Variants in CASQ2 observed in about 807,000 individuals in gnomAD.
CASQ2 encodes calsequestrin-2.
CASQ2 carries 49 observed loss-of-function variants against 46.5 expected under a neutral mutation model. That is an observed-to-expected ratio of 1.05 (90% CI 0.84 to 1.34). The LOEUF is 1.34. Among genes scored for constraint, CASQ2 ranks in the 40% most tolerant of loss-of-function variants. CASQ2 has a pLI of 0.00. For synonymous variants in CASQ2, 174 were observed against 168.5 expected, an observed-to-expected ratio of 1.03 and a Z score of -0.25; for missense variants, 486 against 481.3, an observed-to-expected ratio of 1.01 and a Z score of -0.09.
chr1:115,754,167 A>G (rs1156806838), intron 1 of CASQ2, among the ~76,000 whole-genome samples: 2 of 152,146 alleles, frequency 1.3e-5, no homozygotes, highest in Non-Finnish European at 2.9e-5. Context: ...GGCCTGAGCT[A>G]TGTATAGCTG....
chr1:115,739,390 C>T (rs1431628825), intron 3 of CASQ2, among the ~76,000 whole-genome samples: 8 of 152,162 alleles, frequency 5.3e-5, no homozygotes, highest in South Asian at 2.1e-4. Flanking sequence ...GCTGGGATTA[C>T]AGGCATGAGC....
At chr1:115,748,900 A>G (rs2101106231) in intron 1 of CASQ2, among the ~76,000 whole-genome samples, 1 of 152,314 alleles carries the variant, frequency 6.6e-6, no homozygotes, top group East Asian at 1.9e-4. Context: ...TTCAGTGTGC[A>G]TAAGAATCAC....
At chr1:115,713,424 G>GGCTCGAGGGCCAGGAGAGCAGACT (rs1557787996) in intron 8 of CASQ2, among the ~76,000 whole-genome samples, 1 of 152,208 alleles carries the variant, frequency 6.6e-6, no homozygotes, top group Non-Finnish European at 1.5e-5. Flanking sequence ...CTGGCGATTA[G>GGCTCGAGGGCCAGGAGAGCAGACT]GCTCGAGGGC....
chr1:115,704,936 C>G lies in CASQ2; in HGVS notation c.939+256G>C, dbSNP rs3811004. On this transcript the variant is annotated intron_variant, in intron 9 of 10. Transcript: ENST00000261448. ...CTGGAGCTGCTGCCGAAGGAGTTTA[C>G]CCTGCTCACTTGGGTGGGACCCCGA... Among the ~76,000 whole-genome samples the G allele has an allele frequency of 0.4, 60,168 of 152,088 alleles. 13,073 individuals carry two copies. The highest frequency in any genetic ancestry group is 0.57 in the African/African-American group (23,459 of 41,514).
At chr1:115,723,515 A>G (rs1045507366) in intron 7 of CASQ2, among the ~76,000 whole-genome samples, 2 of 152,138 alleles carry the variant, frequency 1.3e-5, no homozygotes, top group African/African-American at 2.4e-5. Flanking sequence ...TCTTTTTGCT[A>G]TTACTATTTT....
At chr1:115,717,940 G>T in intron 7 of CASQ2, 46 bp from the exon 8 acceptor site, 1 of 1,307,040 alleles carries the variant, frequency 7.7e-7, no homozygotes, top group Non-Finnish European at 1.1e-6. Flanking sequence ...CTGGAGGGAT[G>T]CAAAGGACTG....
chr1:115,726,805 C>T (rs537629550), intron 6 of CASQ2, among the ~76,000 whole-genome samples, 187 bp downstream of exon 6: 2 of 152,316 alleles, frequency 1.3e-5, no homozygotes, highest in South Asian at 2.1e-4. Flanking sequence ...CAGGTGCAGA[C>T]TTAGATTCAG....
At chr1:115,762,690 T>G (rs1649005389) in intron 1 of CASQ2, among the ~76,000 whole-genome samples, 1 of 152,248 alleles carries the variant, frequency 6.6e-6, no homozygotes, top group South Asian at 2.1e-4. Flanking sequence ...TGTTTCTATG[T>G]AAGTGTGAAG....
In CASQ2 at chr1:115,701,310, T is replaced by G; in HGVS notation, c.1131A>C (p.Glu377Asp). The G allele has an allele frequency of 6.3e-7, 1 of 1,593,584 alleles. No homozygotes were observed. The highest frequency in any genetic ancestry group is 8.6e-7 in the Non-Finnish European group (1 of 1,161,362). ...SGKINTEDDD[E>D]DDDDDDNSDE... ...CAGAATTATCATCATCATCATCATC[T>G]TCATCATCATCTTCAGTGTTTATCT... Residue 377 changes from glutamate (E) to aspartate (D), a missense_variant, in exon 11 of 11, where the codon GAA becomes GAC. By Grantham distance (45) the Glu-to-Asp change is conservative. Coordinates refer to ENST00000261448, the MANE Select transcript of CASQ2 (RefSeq NM_001232.4).
chr1:115,734,062 G>A (rs564224396), intron 4 of CASQ2, among the ~76,000 whole-genome samples: 3 of 152,314 alleles, frequency 2.0e-5, no homozygotes, highest in Middle Eastern at 6.8e-3. Context: ...AGGTGAGAGA[G>A]GGGTTGGAAA....
At chr1:115,709,233 C>A (rs942465082) in intron 8 of CASQ2, among the ~76,000 whole-genome samples, 19 of 152,180 alleles carry the variant, frequency 1.2e-4, no homozygotes, top group Admixed American at 2.0e-4. Flanking sequence ...GTAAAACTGG[C>A]AAGTCCCCTG....
At chr1:115,762,836 G>GGGAAGA (rs1168928944) in intron 1 of CASQ2, among the ~76,000 whole-genome samples, 4 of 152,164 alleles carry the variant, frequency 2.6e-5, no homozygotes, top group Non-Finnish European at 1.5e-5. Context: ...AAGGTAGAAG[G>GGGAAGA]GGAAGAGGAA....
chr1:115,758,377 C>T (rs1474901131), intron 1 of CASQ2, among the ~76,000 whole-genome samples: 1 of 152,224 alleles, frequency 6.6e-6, no homozygotes, highest in Admixed American at 6.5e-5. Flanking sequence ...TCTCTTCATT[C>T]AACATTCATT....
chr1:115,741,782 C>T (rs1369252204), intron 2 of CASQ2, among the ~76,000 whole-genome samples: 1 of 152,170 alleles, frequency 6.6e-6, no homozygotes, highest in Admixed American at 6.5e-5. Context: ...ATGCATTTTC[C>T]TCCTTAGGAA....
intron 1 of CASQ2, among the ~76,000 whole-genome samples, chr1:115,748,789 T>C (rs557024604): frequency 2.6e-5 from 4 of 152,172 alleles, no homozygotes; most frequent in Non-Finnish European, 5.9e-5. Flanking sequence ...AATGTTCCCT[T>C]GTATATCACT....
chr1:115,725,220 C>T (rs980069972), intron 7 of CASQ2, among the ~76,000 whole-genome samples: 1 of 152,096 alleles, frequency 6.6e-6, no homozygotes, highest in African/African-American at 2.4e-5. Flanking sequence ...GCACATGCGA[C>T]CATGCTCGGT....
chr1:115,718,308 T>C (rs1453487740), intron 7 of CASQ2, among the ~76,000 whole-genome samples: 1 of 152,208 alleles, frequency 6.6e-6, no homozygotes, highest in East Asian at 1.9e-4. Flanking sequence ...TAAAAGCAGC[T>C]GTCAGTCTCT....
At chr1:115,757,405 C>T (rs1648798380) in intron 1 of CASQ2, among the ~76,000 whole-genome samples, 1 of 152,140 alleles carries the variant, frequency 6.6e-6, no homozygotes, top group South Asian at 2.1e-4. Context: ...AGTCTGACCT[C>T]ATCTAATTTT....
chr1:115,709,250 A>T (rs887078076), intron 8 of CASQ2, among the ~76,000 whole-genome samples: 7 of 152,228 alleles, frequency 4.6e-5, no homozygotes, highest in African/African-American at 1.7e-4. Flanking sequence ...CCTGGAAAAG[A>T]GAAACGTTCT....
Sources: gnomAD v4.1 joint callset for allele counts (sites outside exome capture counted in the v4.1 genomes callset) on GRCh38, gnomAD v4.1.1 for gene constraint, MANE v1.5 for transcripts, NCBI Gene and HGNC (gene_info 2026-07-23, HGNC 2026-07-21) for gene names.